Variants in RAD51B observed in about 807,000 individuals in gnomAD.
RAD51B encodes RAD51 paralog B, also known as DNA repair protein RAD51 homolog 2.
Under a neutral mutation model 42.2 loss-of-function variants are expected in RAD51B, and 38 were observed. The observed-to-expected ratio is 0.90, with a 90% confidence interval of 0.70 to 1.18. The LOEUF (loss-of-function observed/expected upper bound fraction) is 1.18, where lower values mean the gene tolerates loss of function less well. RAD51B is among the 50% of genes most tolerant of loss of function. The pLI is 0.00. For synonymous variants in RAD51B, 154 were observed against 145.2 expected, an observed-to-expected ratio of 1.06 and a Z score of -0.43; for missense variants, 373 against 400.7, an observed-to-expected ratio of 0.93 and a Z score of 0.59.
At chr14:68,199,223 C>T (rs2079434336) in intron 7 of RAD51B, among the ~76,000 whole-genome samples, 1 of 152,184 alleles carries the variant, frequency 6.6e-6, no homozygotes, top group African/African-American at 2.4e-5. Flanking sequence ...TGTGTCCAGA[C>T]CAGTGCAGAG....
chr14:67,979,502 C>T (rs532297885), intron 7 of RAD51B, among the ~76,000 whole-genome samples: 1 of 152,198 alleles, frequency 6.6e-6, no homozygotes, highest in Non-Finnish European at 1.5e-5. Flanking sequence ...TAACACTGCG[C>T]TACTTGGTGC....
At chr14:67,855,814 G>A (rs1489553314) in intron 4 of RAD51B, among the ~76,000 whole-genome samples, 3 of 152,196 alleles carry the variant, frequency 2.0e-5, no homozygotes, top group Admixed American at 6.5e-5. Context: ...TGCCCCACAA[G>A]TTGTAACAGC....
chr14:68,169,408 T>C (rs1355670134), intron 7 of RAD51B, among the ~76,000 whole-genome samples: 2 of 152,204 alleles, frequency 1.3e-5, no homozygotes, highest in Non-Finnish European at 2.9e-5. Flanking sequence ...GATTATAACC[T>C]TCTTAGTCTA....
At chr14:68,148,491 T>C (rs542296052) in intron 7 of RAD51B, among the ~76,000 whole-genome samples, 6 of 152,386 alleles carry the variant, frequency 3.9e-5, no homozygotes, top group African/African-American at 1.4e-4. Context: ...GCGATGTCAT[T>C]GCTTTGGATT....
At chr14:68,586,674 G>A (rs1890496755) in intron 10 of RAD51B, among the ~76,000 whole-genome samples, 2 of 152,120 alleles carry the variant, frequency 1.3e-5, no homozygotes, top group South Asian at 4.1e-4. Flanking sequence ...TTCTCAGCAT[G>A]TACCCCATGG....
At chr14:68,215,627 T>C (rs1431828762) in intron 7 of RAD51B, among the ~76,000 whole-genome samples, 1 of 152,220 alleles carries the variant, frequency 6.6e-6, no homozygotes, top group South Asian at 2.1e-4. Context: ...GGCTTTCTGG[T>C]TCTGAAATCC....
chr14:68,068,767 C>T (rs2076695206), intron 7 of RAD51B, among the ~76,000 whole-genome samples: 1 of 152,164 alleles, frequency 6.6e-6, no homozygotes, highest in African/African-American at 2.4e-5. Context: ...TCCACATACA[C>T]ACCAATACTT....
chr14:68,080,045 G>A (rs1213219169), intron 7 of RAD51B, among the ~76,000 whole-genome samples: 3 of 152,242 alleles, frequency 2.0e-5, no homozygotes, highest in Admixed American at 6.5e-5. Flanking sequence ...AGGGCCTTCT[G>A]TGATGAAGAA....
At chr14:68,425,297 C>A (rs375754211) in intron 9 of RAD51B, among the ~76,000 whole-genome samples, 1 of 152,114 alleles carries the variant, frequency 6.6e-6, no homozygotes, top group Non-Finnish European at 1.5e-5. Flanking sequence ...GTATATGCTG[C>A]GGTTTGAATG....
At chr14:67,967,539 G>A (rs1036671309) in intron 7 of RAD51B, among the ~76,000 whole-genome samples, 4 of 152,188 alleles carry the variant, frequency 2.6e-5, no homozygotes, top group African/African-American at 9.7e-5. Context: ...CATTTCAGAT[G>A]GGAGAAATTG....
At chr14:68,048,783 T>C (rs946504996) in intron 7 of RAD51B, among the ~76,000 whole-genome samples, 2 of 152,230 alleles carry the variant, frequency 1.3e-5, no homozygotes, top group African/African-American at 4.8e-5. Context: ...GTTCAACCAT[T>C]GTGGAAGTTG....
chr14:68,603,171 G>A (rs1321302232), intron 10 of RAD51B, among the ~76,000 whole-genome samples: 3 of 152,162 alleles, frequency 2.0e-5, no homozygotes, highest in African/African-American at 7.2e-5. Flanking sequence ...CCAATGGAGT[G>A]CCTTATATGG....
At chr14:68,378,955 A>G (rs1594752909) in intron 8 of RAD51B, among the ~76,000 whole-genome samples, 1 of 152,204 alleles carries the variant, frequency 6.6e-6, no homozygotes. Flanking sequence ...ATTTTGCTTC[A>G]TATCTTCTGA....
At chr14:68,573,985 T>A (rs1482904405) in intron 10 of RAD51B, among the ~76,000 whole-genome samples, 1 of 147,892 alleles carries the variant, frequency 6.8e-6, no homozygotes, top group African/African-American at 2.5e-5. Context: ...TGTGTATGTG[T>A]GTGTGTGTGT....
At chr14:68,174,646 G>T (rs1222186997) in intron 7 of RAD51B, among the ~76,000 whole-genome samples, 1 of 152,170 alleles carries the variant, frequency 6.6e-6, no homozygotes, top group East Asian at 1.9e-4. Flanking sequence ...AGATGAGGGG[G>T]CACTGGATTG....
chr14:67,877,131 A>G (rs530253845), intron 5 of RAD51B, among the ~76,000 whole-genome samples: 2 of 152,270 alleles, frequency 1.3e-5, no homozygotes, highest in South Asian at 2.1e-4. Flanking sequence ...GATGTGGTCC[A>G]GGGATGCTAG....
intron 10 of RAD51B, among the ~76,000 whole-genome samples, chr14:68,648,004 C>CATCTATAT: frequency 9.2e-6 from 1 of 108,712 alleles, no homozygotes; most frequent in South Asian, 3.1e-4. Flanking sequence ...AAAAATTGAG[C>CATCTATAT]ATATATATAT....
intron 9 of RAD51B, among the ~76,000 whole-genome samples, chr14:68,438,108 T>C (rs1427513202): frequency 6.6e-6 from 1 of 152,132 alleles, no homozygotes; most frequent in Admixed American, 6.5e-5. Context: ...CTGCAGGTTT[T>C]CAGAAGCCCC....
At chr14:68,572,235 A>G (rs995420186) in intron 10 of RAD51B, among the ~76,000 whole-genome samples, 4 of 152,190 alleles carry the variant, frequency 2.6e-5, no homozygotes, top group South Asian at 2.1e-4. Context: ...CTAAGTGTCT[A>G]TTGGTCCCCT....
Sources: gnomAD v4.1 joint callset for allele counts (sites outside exome capture counted in the v4.1 genomes callset) on GRCh38, gnomAD v4.1.1 for gene constraint, MANE v1.5 for transcripts, NCBI Gene and HGNC (gene_info 2026-07-23, HGNC 2026-07-21) for gene names.